KCTD1: variants seen among roughly 807,000 people sequenced by gnomAD.
KCTD1 encodes the protein BTB/POZ domain-containing protein KCTD1.
In KCTD1, 24 loss-of-function variants were observed where a neutral mutation model predicts 66.0. The observed-to-expected ratio is 0.36, with a 90% CI of 0.26 to 0.51. The LOEUF (loss-of-function observed/expected upper bound fraction) is 0.51. KCTD1 is among the 20% of genes least tolerant of loss of function. The pLI, the probability that KCTD1 is intolerant of heterozygous loss-of-function variation, is 0.95. For synonymous variants in KCTD1, 511 were observed against 517.2 expected, an observed-to-expected ratio of 0.99 and a Z score of 0.16; for missense variants, 943 against 1,205.2, an observed-to-expected ratio of 0.78 and a Z score of 3.22.
chr18:26,550,557 GAC>G (rs907937404), upstream of KCTD1, among the ~76,000 whole-genome samples: 1 of 83,634 alleles, frequency 1.2e-5, no homozygotes, highest in Non-Finnish European at 2.2e-5. The surrounding 1 kb of genome is among the most constrained non-coding windows in gnomAD (Gnocchi z 5.4). Flanking sequence ...GGAAACACAA[GAC>G]ACACAGACAC....
intron 1 of KCTD1, among the ~76,000 whole-genome samples, chr18:26,525,418 A>G (rs1406037905): frequency 6.6e-6 from 1 of 152,232 alleles, no homozygotes; most frequent in Non-Finnish European, 1.5e-5. Context: ...CCAATATTCA[A>G]TAATTCCCCA....
chr18:26,637,868 A>C (rs760802357), intron 1 of KCTD1, among the ~76,000 whole-genome samples: 8 of 152,282 alleles, frequency 5.3e-5, no homozygotes, highest in Non-Finnish European at 1.2e-4. Context: ...GCTTTCCTCA[A>C]AGGTTGTTGT....
intron 1 of KCTD1, among the ~76,000 whole-genome samples, chr18:26,614,928 T>A (rs1335057421): frequency 6.6e-6 from 1 of 152,258 alleles, no homozygotes; most frequent in African/African-American, 2.4e-5. Flanking sequence ...ATTTGCTCAT[T>A]GATTGATTTG....
intron 1 of KCTD1, among the ~76,000 whole-genome samples, chr18:26,602,879 C>A (rs1986928478): frequency 1.3e-5 from 2 of 152,168 alleles, no homozygotes; most frequent in African/African-American, 4.8e-5. Flanking sequence ...TTTGATACTA[C>A]AAAGCAACAG....
chr18:26,618,561 T>G (rs1987306479), intron 1 of KCTD1, among the ~76,000 whole-genome samples: 1 of 152,196 alleles, frequency 6.6e-6, no homozygotes, highest in Non-Finnish European at 1.5e-5. Flanking sequence ...AGGATAAAGG[T>G]GAACGAGGAA....
At chr18:26,608,999 A>C (rs1338240526) in intron 1 of KCTD1, among the ~76,000 whole-genome samples, 1 of 152,200 alleles carries the variant, frequency 6.6e-6, no homozygotes, top group Non-Finnish European at 1.5e-5. Context: ...TGTTTTATAG[A>C]TATTGAAACA....
At chr18:26,580,260 C>T (rs972991411) in intron 1 of KCTD1, among the ~76,000 whole-genome samples, 3 of 151,864 alleles carry the variant, frequency 2.0e-5, no homozygotes, top group Non-Finnish European at 4.4e-5. Flanking sequence ...TGTCAGGTGT[C>T]CTGAGTGCAG....
Position 26,560,332 on chromosome 18 carries a change from C to G in KCTD1, c.-15-59082G>C, listed in dbSNP as rs559278205. Among the ~76,000 whole-genome samples, 5 of 152,264 alleles carry G rather than the reference C, an allele frequency of 3.3e-5. No homozygotes were observed. The East Asian group carries it at 9.6e-4, about 29-fold the overall frequency. On this transcript the variant is annotated intron_variant, in intron 1 of 4. Transcript: ENST00000317932. ...GCTCCTCCAGCCACGTGTGAGCCCC[C>G]CAAGAGCCCCTTGTACACTCTGGTT... is the stretch of plus-strand genomic sequence containing the variant.
At chr18:26,600,259 G>A in intron 1 of KCTD1, 1 of 1,607,028 alleles carries the variant, frequency 6.2e-7, no homozygotes. Context: ...CTTCCGCTGT[G>A]CCAGCTGCCC....
At chr18:26,566,198 A>G (rs1214171174) in intron 1 of KCTD1, 2 of 152,358 alleles carry the variant, frequency 1.3e-5, no homozygotes, top group Admixed American at 6.5e-5. Context: ...AATTAATTCA[A>G]TGCAAGATTA....
intron 1 of KCTD1, among the ~76,000 whole-genome samples, chr18:26,538,319 A>G (rs1243713806): frequency 6.6e-6 from 1 of 152,152 alleles, no homozygotes; most frequent in Non-Finnish European, 1.5e-5. Flanking sequence ...ACTAAGTTAG[A>G]AGAAGGTGTG....
intron 1 of KCTD1, among the ~76,000 whole-genome samples, chr18:26,557,579 T>G (rs925583553): frequency 4.6e-5 from 7 of 152,196 alleles, no homozygotes; most frequent in Admixed American, 2.0e-4. Flanking sequence ...TAGCAGCTCT[T>G]GAGTGTGGCC....
chr18:26,569,872 G>C (rs1440763234), intron 1 of KCTD1, among the ~76,000 whole-genome samples: 4 of 152,188 alleles, frequency 2.6e-5, no homozygotes, highest in Non-Finnish European at 4.4e-5. Context: ...GAATTAATTA[G>C]ATATTGCAGT....
At chr18:26,656,290 G>A (rs1412612400) in intron 1 of KCTD1, among the ~76,000 whole-genome samples, 16 of 152,130 alleles carry the variant, frequency 1.1e-4, no homozygotes, top group Admixed American at 2.0e-4. Context: ...TACCTGCAGC[G>A]CTCGCATCCT....
rs186387060 is a variant in KCTD1 at position 26,562,545 on chromosome 18, C to T, written c.-15-61295G>A. Among the ~76,000 whole-genome samples, 247 of 152,258 alleles carry T rather than the reference C, an allele frequency of 1.6e-3. 2 individuals are homozygous for T. The East Asian group carries it at 0.02, about 12-fold the overall frequency. ...CCAAGGTGTTGGGATTACAGGCATGCGCCACTGCACCCGGCCTCAAGATTT... is the reference window on the plus strand; with the variant it reads ...CCAAGGTGTTGGGATTACAGGCATGTGCCACTGCACCCGGCCTCAAGATTT... On this transcript the variant is annotated intron_variant, in intron 1 of 4. Coordinates refer to the KCTD1 transcript ENST00000317932.
chr18:26,496,534 T>C (rs1982479919), intron 2 of KCTD1, among the ~76,000 whole-genome samples: 1 of 152,186 alleles, frequency 6.6e-6, no homozygotes, highest in South Asian at 2.1e-4. Context: ...AGAGCTGTTT[T>C]GCATCTTACA....
In KCTD1 at chr18:26,593,922, G is replaced by A. The variant is rs113963500; in HGVS notation, c.-16+35225C>T. Among the ~76,000 whole-genome samples the A allele has an allele frequency of 3.7e-3, 562 of 151,998 alleles. 2 individuals are homozygous for A. Among genetic ancestry groups the A allele is most frequent in the Non-Finnish European group, 4.9e-3 (336 of 67,970 alleles). The stretch of plus-strand genomic sequence containing the variant: ...GGAAGATGAGGAGGACGAGGAGGAA[G>A]ATGAGGAGGAGAAAGAAGAGAAGGG... On this transcript the variant is annotated intron_variant, in intron 1 of 4. Coordinates refer to the KCTD1 transcript ENST00000317932.
intron 1 of KCTD1, among the ~76,000 whole-genome samples, chr18:26,593,349 GA>G (rs1986660004): frequency 2.0e-5 from 1 of 49,324 alleles, no homozygotes; most frequent in Non-Finnish European, 5.6e-5. Flanking sequence ...GGAGGAAGAG[GA>G]GGAGGAGGAA....
intron 1 of KCTD1, among the ~76,000 whole-genome samples, chr18:26,514,772 C>G (rs1983564719): frequency 6.6e-6 from 1 of 152,146 alleles, no homozygotes; most frequent in Non-Finnish European, 1.5e-5. Context: ...GTTGGGCTGT[C>G]CAGTTCTTAG....
Sources: allele counts gnomAD v4.1 joint callset (sites outside exome capture counted in the v4.1 genomes callset), GRCh38; gene constraint gnomAD v4.1.1; non-coding constraint Gnocchi (gnomAD v3.1); transcripts MANE v1.5; gene names NCBI Gene and HGNC (gene_info 2026-07-23, HGNC 2026-07-21).